Variants in TRPC7 observed in about 807,000 individuals in gnomAD.
TRPC7 encodes short transient receptor potential channel 7.
In TRPC7, 42 loss-of-function variants were observed where a neutral mutation model predicts 90.1. The observed-to-expected ratio is 0.47, with a 90% CI of 0.36 to 0.60. The LOEUF (loss-of-function observed/expected upper bound fraction) is 0.60, where lower values mean the gene tolerates loss of function less well. Ranked by LOEUF, TRPC7 falls within the 20% of genes least tolerant of loss-of-function variation. The pLI is 0.00. For synonymous variants in TRPC7, 451 were observed against 436.3 expected, an observed-to-expected ratio of 1.03 and a Z score of -0.42; for missense variants, 955 against 1,112.3, an observed-to-expected ratio of 0.86 and a Z score of 2.01.
chr5:136,312,571 G>A (rs1335191966), intron 3 of TRPC7, among the ~76,000 whole-genome samples: 2 of 152,168 alleles, frequency 1.3e-5, no homozygotes, highest in Admixed American at 1.3e-4. Context: ...GAGCTTCAAT[G>A]ACTTGCCCAA....
At chr5:136,242,564 T>C (rs2149801882) in intron 7 of TRPC7, among the ~76,000 whole-genome samples, 1 of 152,332 alleles carries the variant, frequency 6.6e-6, no homozygotes, top group African/African-American at 2.4e-5. Flanking sequence ...TTAAAAAAAA[T>C]TGCCTGCATA....
At chr5:136,289,768 C>T (rs1757867960) in intron 3 of TRPC7, among the ~76,000 whole-genome samples, 1 of 152,214 alleles carries the variant, frequency 6.6e-6, no homozygotes, top group South Asian at 2.1e-4. Flanking sequence ...CTTAAATGTC[C>T]CTGTCTGACA....
At chr5:136,355,360 T>C (rs929368461) in intron 2 of TRPC7, among the ~76,000 whole-genome samples, 3 of 152,228 alleles carry the variant, frequency 2.0e-5, no homozygotes, top group African/African-American at 7.2e-5. Context: ...CGCTATTTAC[T>C]AGCTATGTGA....
At chr5:136,299,034 T>G (rs111272855) in intron 3 of TRPC7, among the ~76,000 whole-genome samples, 41 of 152,082 alleles carry the variant, frequency 2.7e-4, no homozygotes, top group African/African-American at 9.6e-4. Context: ...GCACAGTGGC[T>G]CATGCTTGTA....
At chr5:136,297,109 C>G (rs1758205273) in intron 3 of TRPC7, among the ~76,000 whole-genome samples, 2 of 152,304 alleles carry the variant, frequency 1.3e-5, no homozygotes, top group Middle Eastern at 3.4e-3. Flanking sequence ...GAGCTCTGAT[C>G]CCCCTTTCAT....
intron 2 of TRPC7, among the ~76,000 whole-genome samples, chr5:136,349,643 C>A (rs886868579): frequency 3.1e-4 from 47 of 152,188 alleles, no homozygotes; most frequent in African/African-American, 1.0e-3. Context: ...ACTATATGTG[C>A]CAGGATTTTC....
chr5:136,330,074 T>C (rs1056673235), intron 2 of TRPC7, among the ~76,000 whole-genome samples: 1 of 152,156 alleles, frequency 6.6e-6, no homozygotes, highest in African/African-American at 2.4e-5. Flanking sequence ...CTTCAGGACA[T>C]GTGAGTTGAA....
At chr5:136,317,706 C>T (rs1759064601) in intron 2 of TRPC7, among the ~76,000 whole-genome samples, 1 of 152,210 alleles carries the variant, frequency 6.6e-6, no homozygotes, top group African/African-American at 2.4e-5. Flanking sequence ...ACCAGTAAAA[C>T]AGACACTGCC....
At chr5:136,305,623 C>T (rs1296492027) in intron 3 of TRPC7, among the ~76,000 whole-genome samples, 3 of 152,206 alleles carry the variant, frequency 2.0e-5, no homozygotes, top group Non-Finnish European at 4.4e-5. Flanking sequence ...GCCTTTCCTA[C>T]AGGGTCTGAG....
At chr5:136,233,103 T>C (rs140787433) in intron 7 of TRPC7, among the ~76,000 whole-genome samples, 92 of 151,616 alleles carry the variant, frequency 6.1e-4, no homozygotes, top group African/African-American at 2.2e-3. Context: ...CGTGTGCATG[T>C]GTGTGTGTCT....
chr5:136,288,407 A>ATTT (rs11459384), intron 3 of TRPC7, among the ~76,000 whole-genome samples: 7 of 147,598 alleles, frequency 4.7e-5, no homozygotes, highest in East Asian at 2.0e-4. Context: ...AGAAGTAGAG[A>ATTT]TTTTTTTTTT....
intron 2 of TRPC7, among the ~76,000 whole-genome samples, chr5:136,323,364 T>G (rs1317966846): frequency 6.6e-6 from 1 of 152,222 alleles, no homozygotes; most frequent in Non-Finnish European, 1.5e-5. Flanking sequence ...TCTATTATTT[T>G]GTCTTTTTGT....
intron 3 of TRPC7, among the ~76,000 whole-genome samples, chr5:136,277,275 G>C (rs547922846): frequency 6.6e-6 from 1 of 152,190 alleles, no homozygotes; most frequent in African/African-American, 2.4e-5. Context: ...GGGTCTCTTG[G>C]GGCTCTGTCT....
chr5:136,364,318 A>C (rs951137414), intron 1 of TRPC7, among the ~76,000 whole-genome samples: 3 of 152,226 alleles, frequency 2.0e-5, no homozygotes, highest in Admixed American at 2.0e-4. Flanking sequence ...TATTTATGAA[A>C]GGGTAATTGT....
chr5:136,319,666 C>T (rs1759131262), intron 2 of TRPC7, among the ~76,000 whole-genome samples: 1 of 152,124 alleles, frequency 6.6e-6, no homozygotes, highest in South Asian at 2.1e-4. Context: ...GGTCATAAAT[C>T]ACGTTCATGT....
chr5:136,318,623 G>T (rs187877937), intron 2 of TRPC7, among the ~76,000 whole-genome samples: 1 of 152,096 alleles, frequency 6.6e-6, no homozygotes, highest in East Asian at 1.9e-4. Flanking sequence ...TCATTTCCTT[G>T]ACAGCCCATT....
chr5:136,358,842 A>G (rs1291410349), intron 1 of TRPC7, among the ~76,000 whole-genome samples: 1 of 152,090 alleles, frequency 6.6e-6, no homozygotes, highest in Non-Finnish European at 1.5e-5. Context: ...CTCTACCTCC[A>G]CTCACATTAT....
At chr5:136,341,415 A>G (rs1759841744) in intron 2 of TRPC7, among the ~76,000 whole-genome samples, 1 of 152,132 alleles carries the variant, frequency 6.6e-6, no homozygotes, top group South Asian at 2.1e-4. Context: ...TTTTAAGGCA[A>G]AAAGTAAATA....
intron 3 of TRPC7, among the ~76,000 whole-genome samples, chr5:136,291,030 C>T (rs1325705426): frequency 6.6e-6 from 1 of 152,182 alleles, no homozygotes; most frequent in Non-Finnish European, 1.5e-5. Context: ...AATTTCATAT[C>T]CAGCCAAACT....
Sources: gnomAD v4.1 joint callset for allele counts (sites outside exome capture counted in the v4.1 genomes callset) on GRCh38, gnomAD v4.1.1 for gene constraint, MANE v1.5 for transcripts, NCBI Gene and HGNC (gene_info 2026-07-23, HGNC 2026-07-21) for gene names.